The following ERCC3 variants were observed in gnomAD, a reference collection of about 807,000 sequenced individuals.
ERCC3 encodes the protein ERCC excision repair 3, TFIIH core complex helicase subunit, also known as general transcription and DNA repair factor IIH helicase/translocase subunit XPB.
In ERCC3, 66 loss-of-function variants were observed where a neutral mutation model predicts 94.2. The ratio of observed to expected loss-of-function variants is 0.70; its 90% CI spans 0.57 to 0.86. The LOEUF (loss-of-function observed/expected upper bound fraction) is 0.86, where lower values mean the gene tolerates loss of function less well. ERCC3 is among the 40% of genes least tolerant of loss of function. ERCC3 has a pLI of 0.00. For synonymous variants in ERCC3, 349 were observed against 369.1 expected (o/e 0.95, Z 0.63); for missense variants, 829 against 987.1 (o/e 0.84, Z 2.15).
chr2:127,267,646 T>C (rs1224112216), intron 12 of ERCC3, among the ~76,000 whole-genome samples: 1 of 152,184 alleles, frequency 6.6e-6, no homozygotes, highest in Non-Finnish European at 1.5e-5. Flanking sequence ...TAACATGGTG[T>C]CATTAGCTGG....
chr2:127,267,411 G>C (rs1424272352), intron 12 of ERCC3, among the ~76,000 whole-genome samples: 1 of 150,952 alleles, frequency 6.6e-6, no homozygotes, highest in Non-Finnish European at 1.5e-5. Flanking sequence ...TGCAAGAATA[G>C]TGACCCCCTG....
intron 4 of ERCC3, 167 bp from the exon 5 acceptor site, chr2:127,289,991 T>A: frequency 1.1e-6 from 1 of 899,256 alleles, no homozygotes; most frequent in South Asian, 1.6e-5. Flanking sequence ...CATATGAGGG[T>A]TGTGACTTTG....
Position 127,288,690 on chromosome 2 carries a change from C to CA in ERCC3, c.996dup (p.Ala333CysfsTer53), listed in dbSNP as rs1369633548. Reference sequence around the variant, plus strand: ...GGAAGAACAATGACCCCCGAACGTGCACGCCCGTTTCCAAACATCTTTCGC... The same window carrying CA: ...GGAAGAACAATGACCCCCGAACGTGCAACGCCCGTTTCCAAACATCTTTCGC... On this transcript the variant is annotated frameshift_variant, in exon 7 of 15. Transcript: ENST00000285398. LOFTEE classifies it high-confidence loss of function. 1 of 1,614,180 alleles carries CA rather than the reference C, an allele frequency of 6.2e-7. No homozygotes were observed.
intron 10 of ERCC3, among the ~76,000 whole-genome samples, 175 bp from the exon 11 acceptor site, chr2:127,273,136 C>T (rs1288780112): frequency 1.3e-5 from 2 of 152,184 alleles, no homozygotes; most frequent in African/African-American, 4.8e-5. Flanking sequence ...CCCAGCCTTC[C>T]CCACTGATTC....
At position 127,290,181 on chromosome 2, in the gene ERCC3, A is replaced by G. The variant is rs140084483; in HGVS notation, c.521+43T>C. ...CCCTTTATTCCTGCTGGTGCGCAGA[A>G]AGTGACAGTGCCTTGGGACAGGCCT... On this transcript the variant is annotated intron_variant, in intron 4 of 14. Coordinates refer to ENST00000285398, the MANE Select transcript of ERCC3 (RefSeq NM_000122.2). 667 of 1,524,558 alleles carry G rather than the reference A, an allele frequency of 4.4e-4. 1 individual carries two copies. In the African/African-American group the frequency reaches 7.6e-3, roughly 17 times the overall value. The allele number at this position is 1,524,558 out of a possible 1,614,324, so 94.4% of individuals were successfully genotyped here. A position where few individuals can be genotyped will look rare whatever the true frequency, so the allele number is the denominator to read the frequency against.
At chr2:127,285,464 G>A (rs1685034846) in intron 8 of ERCC3, among the ~76,000 whole-genome samples, 2 of 152,168 alleles carry the variant, frequency 1.3e-5, no homozygotes, top group South Asian at 2.1e-4. Flanking sequence ...GCTGAGGTGG[G>A]CGGATCACCT....
At chr2:127,270,018 CTCAATCAATCAA>C (rs5834172) in intron 12 of ERCC3, among the ~76,000 whole-genome samples, 7 of 150,374 alleles carry the variant, frequency 4.7e-5, no homozygotes, top group Admixed American at 1.3e-4. Flanking sequence ...AAGACTCTAT[CTCAATCAATCAA>C]TCAATCAATC....
chr2:127,292,505 G>C, intron 3 of ERCC3, 105 bp downstream of exon 3: 1 of 825,856 alleles, frequency 1.2e-6, no homozygotes, highest in Non-Finnish European at 2.1e-6. Flanking sequence ...CAGGAAATCT[G>C]AATGGCACAT....
intron 2 of ERCC3, 137 bp downstream of exon 2, chr2:127,293,376 C>T: frequency 1.2e-6 from 1 of 827,932 alleles, no homozygotes; most frequent in Non-Finnish European, 1.9e-6. Flanking sequence ...GCTGTTCCAA[C>T]GTGTGTGGAT....
In ERCC3 at chr2:127,259,478, CT is replaced by C. The variant is rs1316124084; in HGVS notation, c.2065-31del. 3 of 1,613,470 alleles carry C rather than the reference CT, an allele frequency of 1.9e-6. No individual in the cohort carries two copies. In the African/African-American group the frequency reaches 4.0e-5, roughly 22 times the overall value. On this transcript the variant is annotated intron_variant, in intron 13 of 14. Coordinates refer to ENST00000285398, the MANE Select transcript of ERCC3 (RefSeq NM_000122.2). The surrounding 1 kb of genome is among the most constrained non-coding windows in gnomAD (Gnocchi z 4.9). The stretch of plus-strand genomic sequence containing the variant: ...AAAGCCCAAGCCAGCAGACATGCCC[CT>C]TTCTGCTCTCTCTCCCCAGCCCTCC...
In ERCC3 at chr2:127,292,606, T is replaced by C. The variant is rs1685309373; in HGVS notation, c.471+4A>G. On this transcript the variant is annotated splice_donor_region_variant and intron_variant, in intron 3 of 14. Coordinates refer to ENST00000285398, the MANE Select transcript of ERCC3 (RefSeq NM_000122.2). ...TGGAATTGCTGGTCTCAGCTGTCAC[T>C]TGCCTTAATAAACTGCATAATTCCA... 6.3e-7 allele frequency: 1 copy of C among 1,584,620 alleles called. No individual in the cohort carries two copies. Among genetic ancestry groups the C allele is most frequent in the Non-Finnish European group, 8.7e-7 (1 of 1,153,458 alleles).
Position 127,258,534 on chromosome 2 carries a change from G to A in ERCC3, c.2217+762C>T, listed in dbSNP as rs1249081002. Reference sequence around the variant, plus strand: ...TGGGTTCCCATGGAGAGTGCCCCCTGGGTCGGGGGAGGAAAGCCTTAGGCT... The same window carrying A: ...TGGGTTCCCATGGAGAGTGCCCCCTAGGTCGGGGGAGGAAAGCCTTAGGCT... On this transcript the variant is annotated intron_variant, in intron 14 of 14. Transcript: ENST00000285398. The surrounding 1 kb of genome is among the most constrained non-coding windows in gnomAD (Gnocchi z 4.1). 6.6e-6 allele frequency among the ~76,000 whole-genome samples: 1 copy of A among 152,120 alleles called. No individual in the cohort carries two copies. The highest frequency in any genetic ancestry group is 2.4e-5 in the African/African-American group (1 of 41,432).
intron 10 of ERCC3, among the ~76,000 whole-genome samples, chr2:127,275,311 T>A (rs1332242082): frequency 6.6e-6 from 1 of 152,002 alleles, no homozygotes; most frequent in Non-Finnish European, 1.5e-5. Flanking sequence ...ATTATAGGCA[T>A]GAGCCACTGC....
chr2:127,289,226 C>T (rs1011801842), intron 6 of ERCC3, 111 bp downstream of exon 6: 2 of 955,370 alleles, frequency 2.1e-6, no homozygotes, highest in South Asian at 1.3e-5. Flanking sequence ...ATTCAGGGAC[C>T]AACAGGGACT....
chr2:127,270,496 T>C (rs1410394747), intron 12 of ERCC3, among the ~76,000 whole-genome samples: 1 of 152,214 alleles, frequency 6.6e-6, no homozygotes, highest in Non-Finnish European at 1.5e-5. Flanking sequence ...GTCCATGCTA[T>C]CTGCCTCATC....
At chr2:127,269,912 G>A (rs1158961110) in intron 12 of ERCC3, among the ~76,000 whole-genome samples, 4 of 151,968 alleles carry the variant, frequency 2.6e-5, no homozygotes, top group East Asian at 2.0e-4. Flanking sequence ...CCGGGTACTC[G>A]GGAGGCTGAG....
At position 127,284,950 on chromosome 2, in the gene ERCC3, G is replaced by C. The variant is rs1037451227; in HGVS notation, c.1342+1753C>G. ...AATCCTCCTGCCCTGGCCTCCCAAA[G>C]TGCTAGGAGACTACAGGTGTCAGCC... On this transcript the variant is annotated intron_variant, in intron 8 of 14. Coordinates refer to ENST00000285398, the MANE Select transcript of ERCC3 (RefSeq NM_000122.2). This position sits in a 1 kb window ranked among gnomAD's most constrained non-coding sequence, Gnocchi z 4.1. Among the ~76,000 whole-genome samples, 1 of 152,092 alleles carries C rather than the reference G, an allele frequency of 6.6e-6. No homozygotes were observed. The highest frequency in any genetic ancestry group is 6.5e-5 in the Admixed American group (1 of 15,272).
In ERCC3 at chr2:127,279,452, C is replaced by G; in HGVS notation, c.1528-77G>C. ...ATTTAAAACTTTTGAAGACCTTTCT[C>G]TAGCAGAATTAGCTTTAAAACAAAA... On this transcript the variant is annotated intron_variant, in intron 9 of 14. Transcript: ENST00000285398. The surrounding 1 kb of genome is among the most constrained non-coding windows in gnomAD (Gnocchi z 4.7). The G allele has an allele frequency of 8.7e-7, 1 of 1,151,106 alleles. No homozygotes were observed. The highest frequency in any genetic ancestry group is 1.3e-6 in the Non-Finnish European group (1 of 761,162). The allele number at this position is 1,151,106 out of a possible 1,614,324, so 71.3% of individuals were successfully genotyped here.
In ERCC3 at chr2:127,289,337, C is replaced by T; in HGVS notation, c.822G>A (p.Gln274=). ...ETQTVSFEVK[Q]EMIEELQKRC... ...CCAGGAGGAAGGTACATTCACTAAC[C>T]TGCTTGACTTCAAAAGACACTGTCT... Residue 274 remains glutamine, a splice_region_variant and synonymous_variant, in exon 6 of 15, where the codon CAG becomes CAA. Coordinates refer to ENST00000285398, the MANE Select transcript of ERCC3 (RefSeq NM_000122.2). 1 of 1,613,746 alleles carries T rather than the reference C, an allele frequency of 6.2e-7. No homozygotes were observed. The highest frequency in any genetic ancestry group is 8.5e-7 in the Non-Finnish European group (1 of 1,179,942).
Sources: allele counts gnomAD v4.1 joint callset (sites outside exome capture counted in the v4.1 genomes callset), GRCh38; gene constraint gnomAD v4.1.1; non-coding constraint Gnocchi (gnomAD v3.1); transcripts MANE v1.5; gene names NCBI Gene and HGNC (gene_info 2026-07-23, HGNC 2026-07-21).